PRR4: variants seen among roughly 807,000 people sequenced by gnomAD.
The protein encoded by PRR4 is proline rich 4, also known as proline-rich protein 4.
Under a neutral mutation model 7.6 loss-of-function variants are expected in PRR4, and 7 were observed. The ratio of observed to expected loss-of-function variants is 0.92; its 90% confidence interval spans 0.52 to 1.73. PRR4 has a LOEUF of 1.73. Among genes scored for constraint, PRR4 ranks in the 40% most tolerant of loss-of-function variants. The pLI is 0.00. For missense variants in PRR4, 187 were observed against 161.0 expected (o/e 1.16, Z -0.87); for synonymous variants, 64 against 58.5 (o/e 1.09, Z -0.43).
At chr12:10,846,771 C>A (rs556612662) in intron 3 of PRR4, among the ~76,000 whole-genome samples, 2 of 152,176 alleles carry the variant, frequency 1.3e-5, no homozygotes, top group South Asian at 4.2e-4. Context: ...GGAGAGCACA[C>A]CCCACTTCCT....
chr12:10,849,452 T>C lies in PRR4; in HGVS notation c.-15A>G, dbSNP rs1949068328. 2 of 1,594,504 alleles carry C rather than the reference T, an allele frequency of 1.3e-6. No homozygotes were observed. The highest frequency in any genetic ancestry group is 3.5e-5 in the Admixed American group (2 of 57,482). Reference sequence around the variant, plus strand: ...ACCAGCAGCATCTTGAAGGAGGCTCTGGAGTTGCTCCCAACTCTGCGTTGA... The same window carrying C: ...ACCAGCAGCATCTTGAAGGAGGCTCCGGAGTTGCTCCCAACTCTGCGTTGA... On this transcript the variant is annotated 5_prime_UTR_variant, in exon 1 of 4. Transcript: ENST00000228811.
At chr12:10,846,917 T>C (rs1009176824) in intron 3 of PRR4, 128 bp downstream of exon 3, 1 of 854,436 alleles carries the variant, frequency 1.2e-6, no homozygotes, top group African/African-American at 1.7e-5. Flanking sequence ...AATATCTGAA[T>C]ACAAATCTTT....
chr12:10,846,850 G>T, intron 3 of PRR4, 195 bp downstream of exon 3: 1 of 513,288 alleles, frequency 1.9e-6, no homozygotes, highest in Admixed American at 3.9e-5. Context: ...TATTTCAAAA[G>T]ATAAGAATTC....
At position 10,847,234 on chromosome 12, in the gene PRR4, G is replaced by T. The variant is rs778817199; in HGVS notation, c.234C>A (p.Gly78=). ...GAGGTGGGGGAGGATGGCGGTGATG[G>T]CCTCCTGGTTTTGGTGGTCTCTGCT... The part of the protein sequence containing the change: ...GPQQRPPKPG[G]HHRHPPPPPF... The change falls in exon 3 of 4, where the codon GGC becomes GGA. Residue 78 remains glycine (G), a synonymous_variant. Transcript: ENST00000228811. 5.6e-6 allele frequency: 9 copies of T among 1,613,636 alleles called. No homozygotes were observed. In the South Asian group the frequency reaches 9.9e-5, roughly 18 times the overall value.
intron 3 of PRR4, 143 bp downstream of exon 3, chr12:10,846,902 C>T: frequency 1.3e-6 from 1 of 769,772 alleles, no homozygotes; most frequent in Non-Finnish European, 1.9e-6. Flanking sequence ...GCAACCTTAT[C>T]CAAGAATATC....
rs764749153 is a variant in PRR4 at position 10,847,365 on chromosome 12, C to A, written c.103G>T (p.Val35Leu). 6.7e-7 allele frequency: 1 copy of A among 1,499,510 alleles called. No individual in the cohort carries two copies. Among genetic ancestry groups the A allele is most frequent in the Non-Finnish European group, 8.9e-7 (1 of 1,122,350 alleles). The allele number at this position is 1,499,510 out of a possible 1,614,324, so 92.9% of individuals were successfully genotyped here. ...TCTGGTCTCTGACTTGAGTCCTCTA[C>A]ATCTGTGTGAGTAATTAATGGACAA... ...YEDFTFTIPDVEDSSQRPDQG... is the reference protein window; with the variant it reads ...YEDFTFTIPDLEDSSQRPDQG... Residue 35 changes from valine (V) to leucine (L), a missense_variant and splice_region_variant, in exon 3 of 4, where the codon GTA (valine) becomes TTA (leucine). By Grantham distance (32) the Val-to-Leu change is conservative. Transcript: ENST00000228811.
chr12:10,848,164 C>T (rs1490613436), intron 2 of PRR4, among the ~76,000 whole-genome samples: 1 of 152,108 alleles, frequency 6.6e-6, no homozygotes, highest in Non-Finnish European at 1.5e-5. Flanking sequence ...TCTCTGTATT[C>T]AAGTTGGTGG....
intron 2 of PRR4, among the ~76,000 whole-genome samples, chr12:10,847,900 C>T (rs546122730): frequency 6.6e-6 from 1 of 152,124 alleles, no homozygotes; most frequent in Non-Finnish European, 1.5e-5. Flanking sequence ...GCTGTGGCAA[C>T]TATTTATCAT....
In PRR4 at chr12:10,845,981, A is replaced by G. The variant is rs983517266; in HGVS notation, c.*19-31T>C. 24 of 1,292,410 alleles carry G rather than the reference A, an allele frequency of 1.9e-5. No homozygotes were observed. The African/African-American group carries it at 3.5e-4, about 19-fold the overall frequency. The allele number at this position is 1,292,410 out of a possible 1,614,324, so 80.1% of individuals were successfully genotyped here. On this transcript the variant is annotated intron_variant, in intron 3 of 3. Transcript: ENST00000228811. ...ACAAAAAAAAAAACCAAGGAAATTT[A>G]TACACAACATACAACATGGCAAAAC...
Position 10,849,447 on chromosome 12 carries a change from G to A in PRR4, c.-10C>T, listed in dbSNP as rs748779044. The A allele has an allele frequency of 1.9e-6, 3 of 1,598,818 alleles. No homozygotes were observed. Among genetic ancestry groups the A allele is most frequent in the Non-Finnish European group, 2.6e-6 (3 of 1,171,694 alleles). ...GCAGGACCAGCAGCATCTTGAAGGA[G>A]GCTCTGGAGTTGCTCCCAACTCTGC... On this transcript the variant is annotated 5_prime_UTR_variant, in exon 1 of 4. Transcript: ENST00000228811.
chr12:10,848,368 T>G lies in PRR4; in HGVS notation c.100+4A>C, dbSNP rs1459277497. On this transcript the variant is annotated splice_donor_region_variant and intron_variant, in intron 2 of 3. Transcript: ENST00000228811. ...GAATTGGATTGAGGATCATTGGGAT[T>G]TACCTGGTATGGTGAAAGTAAAGTC... 1 of 1,607,170 alleles carries G rather than the reference T, an allele frequency of 6.2e-7. No homozygotes were observed. The highest frequency in any genetic ancestry group is 2.2e-5 in the East Asian group (1 of 44,818).
At chr12:10,847,743 T>C (rs574617246) in intron 2 of PRR4, among the ~76,000 whole-genome samples, 6 of 152,208 alleles carry the variant, frequency 3.9e-5, no homozygotes, top group African/African-American at 1.4e-4. Flanking sequence ...GTTGCTGTAA[T>C]GACTTACAAA....
intron 3 of PRR4, among the ~76,000 whole-genome samples, chr12:10,846,680 C>T (rs946389865): frequency 2.0e-5 from 3 of 152,022 alleles, no homozygotes; most frequent in Non-Finnish European, 4.4e-5. Context: ...AGTCCTCTGG[C>T]GGAAACCTGA....
Position 10,849,374 on chromosome 12 carries a change from C to A in PRR4, c.64G>T (p.Asp22Tyr), listed in dbSNP as rs1193730665. ...TTTTTTAAAAAAATAATTTTTTTAC[C>A]ATTATCTGTGCTCTGAGCTGAGCTC... ...ALSSAQSTDN[D>Y]VNYEDFTFTI... The change falls in exon 1 of 4, where the codon GAT (aspartate) becomes TAT (tyrosine). Residue 22 changes from aspartate (D) to tyrosine (Y), a missense_variant and splice_region_variant. Asp to Tyr is a radical substitution (Grantham distance 160). Coordinates refer to ENST00000228811, the MANE Select transcript of PRR4 (RefSeq NM_007244.3). 6.3e-7 allele frequency: 1 copy of A among 1,590,710 alleles called. No homozygotes were observed. Among genetic ancestry groups the A allele is most frequent in the South Asian group, 1.1e-5 (1 of 89,064 alleles).
chr12:10,847,428 T>C, intron 2 of PRR4, 61 bp from the exon 3 acceptor site: 1 of 1,312,526 alleles, frequency 7.6e-7, no homozygotes, highest in Non-Finnish European at 1.0e-6. Flanking sequence ...TCTCCTCTCT[T>C]TATACTTCTC....
At chr12:10,847,750 C>A (rs945434849) in intron 2 of PRR4, among the ~76,000 whole-genome samples, 4 of 151,528 alleles carry the variant, frequency 2.6e-5, no homozygotes, top group African/African-American at 7.3e-5. Flanking sequence ...TAATGACTTA[C>A]AAACTGTGAC....
At chr12:10,846,087 GT>G in intron 3 of PRR4, 137 bp from the exon 4 acceptor site, 1 of 591,446 alleles carries the variant, frequency 1.7e-6, no homozygotes, top group Non-Finnish European at 2.5e-6. Context: ...TGGTGTTTAT[GT>G]TTTGGTTACT....
intron 1 of PRR4, 78 bp from the exon 2 acceptor site, chr12:10,848,485 G>A: frequency 7.1e-7 from 1 of 1,410,646 alleles, no homozygotes; most frequent in Non-Finnish European, 9.9e-7. Context: ...TAGGGAAAGG[G>A]GTCTTCTGGC....
chr12:10,846,718 GT>G (rs560278501), intron 3 of PRR4, among the ~76,000 whole-genome samples: 4 of 152,146 alleles, frequency 2.6e-5, no homozygotes, highest in Non-Finnish European at 5.9e-5. Context: ...GAGTCCTTGG[GT>G]TTGAGAAGGC....
Sources: allele counts gnomAD v4.1 joint callset (sites outside exome capture counted in the v4.1 genomes callset), GRCh38; gene constraint gnomAD v4.1.1; transcripts MANE v1.5; gene names NCBI Gene and HGNC (gene_info 2026-07-23, HGNC 2026-07-21).